Variants in OTUD7A observed in about 807,000 individuals in gnomAD.
OTUD7A encodes the protein OTU deubiquitinase 7A, also known as OTU domain-containing protein 7A.
In OTUD7A, 12 loss-of-function variants were observed where a neutral mutation model predicts 65.7. That is an observed-to-expected ratio of 0.18 (90% CI 0.12 to 0.30). The LOEUF (loss-of-function observed/expected upper bound fraction) is 0.30, where lower values mean the gene tolerates loss of function less well. Ranked by LOEUF, OTUD7A falls within the 10% of genes least tolerant of loss-of-function variation. The pLI, the probability that OTUD7A is intolerant of heterozygous loss-of-function variation, is 1.00. For missense variants in OTUD7A, 1,148 were observed against 1,304.8 expected (o/e 0.88, Z 1.85); for synonymous variants, 641 against 586.3 (o/e 1.09, Z -1.35).
At chr15:31,551,889 C>T (rs989546467) in intron 5 of OTUD7A, among the ~76,000 whole-genome samples, 43 of 152,262 alleles carry the variant, frequency 2.8e-4, no homozygotes, top group African/African-American at 1.0e-3. Flanking sequence ...GCCTTGTGTT[C>T]CTCATCTTGG....
chr15:31,852,754 T>C (rs567054517), intron 1 of OTUD7A, among the ~76,000 whole-genome samples: 12 of 152,312 alleles, frequency 7.9e-5, no homozygotes, highest in Admixed American at 6.5e-4. Context: ...CTAGATAATA[T>C]AGGCAAAGCA....
intron 1 of OTUD7A, among the ~76,000 whole-genome samples, chr15:31,817,211 C>T (rs952633675): frequency 6.6e-6 from 1 of 151,814 alleles, no homozygotes; most frequent in African/African-American, 2.4e-5. Flanking sequence ...TGCTTTTCAT[C>T]CAATTTAAGT....
rs202004327 is a variant in OTUD7A at position 31,650,039 on chromosome 15, CTT to C, written c.151+5055_151+5056del. Among the ~76,000 whole-genome samples the C allele has an allele frequency of 1.7e-4, 18 of 105,900 alleles. 1 individual carries two copies. The highest frequency in any genetic ancestry group is 5.0e-4 in the East Asian group (2 of 4,038). 69.5% of individuals were successfully genotyped at this position (105,900 alleles called of 152,430 possible). A position where few individuals can be genotyped will look rare whatever the true frequency, so the allele number is the denominator to read the frequency against. ...AAAGTCTGGAAATCTCTAATTTATCCTTTTTTTTTTTCTTTTTCTTCTAAAAT... is the reference window on the plus strand; with the variant it reads ...AAAGTCTGGAAATCTCTAATTTATCCTTTTTTTTTCTTTTTCTTCTAAAAT... On this transcript the variant is annotated intron_variant, in intron 3 of 12. Coordinates refer to ENST00000307050, the MANE Select transcript of OTUD7A (RefSeq NM_001382637.1).
At chr15:31,515,093 G>T (rs965820254) in intron 8 of OTUD7A, among the ~76,000 whole-genome samples, 1 of 152,160 alleles carries the variant, frequency 6.6e-6, no homozygotes, top group Non-Finnish European at 1.5e-5. Context: ...AGCACAGGGG[G>T]AGAGAATATG....
chr15:31,617,919 C>A (rs1160440612), intron 3 of OTUD7A, among the ~76,000 whole-genome samples: 1 of 147,054 alleles, frequency 6.8e-6, no homozygotes, highest in Non-Finnish European at 1.5e-5. Context: ...CTAATGCTAT[C>A]CCTGCCCCCT....
intron 6 of OTUD7A, among the ~76,000 whole-genome samples, chr15:31,528,109 T>C (rs190267257): frequency 9.2e-5 from 14 of 152,302 alleles, no homozygotes; most frequent in African/African-American, 1.4e-4. Flanking sequence ...CCGGGACACA[T>C]GAAGTTCCTA....
chr15:31,592,072 G>A (rs560868199), intron 3 of OTUD7A, among the ~76,000 whole-genome samples: 2 of 152,322 alleles, frequency 1.3e-5, no homozygotes, highest in South Asian at 4.1e-4. Context: ...CACTTACCAT[G>A]AATGGAGCTT....
At chr15:31,769,826 C>A (rs1895186830) in intron 1 of OTUD7A, among the ~76,000 whole-genome samples, 1 of 152,152 alleles carries the variant, frequency 6.6e-6, no homozygotes, top group African/African-American at 2.4e-5. Context: ...GAAGGGCTCA[C>A]TACAAACGGG....
chr15:31,786,208 A>C lies in OTUD7A; in HGVS notation c.-100+84299T>G, dbSNP rs55956803. Among the ~76,000 whole-genome samples the C allele has an allele frequency of 5.1e-3, 776 of 152,322 alleles. 5 individuals are homozygous for C. The highest frequency in any genetic ancestry group is 0.018 in the African/African-American group (740 of 41,564). Reference sequence around the variant, plus strand: ...TTCTCAGCCTCCATAACTGTAAAAAATAAATTCCTTTCTTTATAAACTACC... The same window carrying C: ...TTCTCAGCCTCCATAACTGTAAAAACTAAATTCCTTTCTTTATAAACTACC... On this transcript the variant is annotated intron_variant, in intron 1 of 12. Coordinates refer to ENST00000307050, the MANE Select transcript of OTUD7A (RefSeq NM_001382637.1).
intron 3 of OTUD7A, among the ~76,000 whole-genome samples, chr15:31,626,871 C>A (rs1014726012): frequency 6.6e-6 from 1 of 150,996 alleles, no homozygotes; most frequent in African/African-American, 2.4e-5. Context: ...CCACTGCACC[C>A]GGCCTATATT....
chr15:31,741,060 T>C (rs1313146357), intron 1 of OTUD7A, among the ~76,000 whole-genome samples: 1 of 152,218 alleles, frequency 6.6e-6, no homozygotes, highest in Non-Finnish European at 1.5e-5. Flanking sequence ...AAAATGCTCT[T>C]AGTACAAATG....
chr15:31,639,794 A>G (rs1350755333), intron 3 of OTUD7A, among the ~76,000 whole-genome samples: 1 of 152,100 alleles, frequency 6.6e-6, no homozygotes, highest in Non-Finnish European at 1.5e-5. Flanking sequence ...TCACCTGCTT[A>G]TTTGCTATCC....
At chr15:31,496,844 T>C (rs1595557484) in intron 10 of OTUD7A, among the ~76,000 whole-genome samples, 1 of 152,332 alleles carries the variant, frequency 6.6e-6, no homozygotes, top group African/African-American at 2.4e-5. Context: ...CAGACACTTA[T>C]AAACTTGCTG....
intron 1 of OTUD7A, among the ~76,000 whole-genome samples, chr15:31,858,807 C>A: frequency 6.6e-6 from 1 of 152,204 alleles, no homozygotes; most frequent in East Asian, 1.9e-4. Flanking sequence ...CAGCCTCTCA[C>A]AGACGTCACT....
intron 10 of OTUD7A, among the ~76,000 whole-genome samples, chr15:31,495,280 C>T (rs1448679162): frequency 6.6e-6 from 1 of 152,218 alleles, no homozygotes; most frequent in Non-Finnish European, 1.5e-5. Context: ...ATGAACCAAT[C>T]AGCAGATGTA....
chr15:31,780,728 G>A (rs577797423), intron 1 of OTUD7A, among the ~76,000 whole-genome samples: 38 of 152,348 alleles, frequency 2.5e-4, no homozygotes, highest in African/African-American at 8.4e-4. Flanking sequence ...CTGTATTGGA[G>A]AAAGGGCAAA....
intron 3 of OTUD7A, among the ~76,000 whole-genome samples, chr15:31,596,993 T>G (rs1889924429): frequency 6.6e-6 from 1 of 152,152 alleles, no homozygotes; most frequent in Non-Finnish European, 1.5e-5. Context: ...GGCATGATCT[T>G]AGCTCACTGA....
rs1268509613 is a variant in OTUD7A, at chr15:31,870,165, G to C, written c.-100+342C>G. On this transcript the variant is annotated intron_variant, in intron 1 of 12. Coordinates refer to ENST00000307050, the MANE Select transcript of OTUD7A (RefSeq NM_001382637.1). ...ACGCCTGGCATCACGTTCCAGTGCGGACAGCCAAAGGGCTGAGCGGAGGCA... is the reference window on the plus strand; with the variant it reads ...ACGCCTGGCATCACGTTCCAGTGCGCACAGCCAAAGGGCTGAGCGGAGGCA... Among the ~76,000 whole-genome samples, 17 of 149,980 alleles carry C rather than the reference G, an allele frequency of 1.1e-4. No homozygotes were observed. In the East Asian group the frequency reaches 1.8e-3, roughly 15 times the overall value.
intron 1 of OTUD7A, among the ~76,000 whole-genome samples, chr15:31,791,161 G>A (rs1422122644): frequency 6.6e-6 from 1 of 152,068 alleles, no homozygotes; most frequent in African/African-American, 2.4e-5. Context: ...CGAGTAGCTG[G>A]GACTACAGGT....
Sources: gnomAD v4.1 joint callset for allele counts (sites outside exome capture counted in the v4.1 genomes callset) on GRCh38, gnomAD v4.1.1 for gene constraint, MANE v1.5 for transcripts, NCBI Gene and HGNC (gene_info 2026-07-23, HGNC 2026-07-21) for gene names.